COL27A1: variants seen among roughly 807,000 people sequenced by gnomAD.
The protein encoded by COL27A1 is collagen type XXVII alpha 1 chain.
Under a neutral mutation model 251.3 loss-of-function variants are expected in COL27A1, and 106 were observed. The observed-to-expected ratio is 0.42, with a 90% CI of 0.36 to 0.50. The LOEUF is 0.50. COL27A1 is among the 20% of genes least tolerant of loss of function. The pLI, the probability that COL27A1 is intolerant of heterozygous loss-of-function variation, is 0.00. For missense variants in COL27A1, 2,325 were observed against 2,522.8 expected (o/e 0.92, Z 1.68); for synonymous variants, 1,000 against 986.3 (o/e 1.01, Z -0.26).
At chr9:114,240,614 TC>T in intron 21 of COL27A1, 127 bp downstream of exon 21, 1 of 819,856 alleles carries the variant, frequency 1.2e-6, no homozygotes, top group Non-Finnish European at 1.9e-6. Context: ...ACCCAGGGCT[TC>T]CCCAGACTTA....
intron 37 of COL27A1, among the ~76,000 whole-genome samples, chr9:114,280,453 T>G (rs1835834141): frequency 6.6e-6 from 1 of 152,258 alleles, no homozygotes; most frequent in African/African-American, 2.4e-5. Context: ...TCCACCCACC[T>G]CAGCCTCCCA....
At chr9:114,230,953 A>T (rs533325076) in intron 14 of COL27A1, 126 bp from the exon 15 acceptor site, 68 of 666,176 alleles carry the variant, frequency 1.0e-4, no homozygotes, top group African/African-American at 1.0e-3. Context: ...AGATTCCAAG[A>T]TCAATCCTAC....
At chr9:114,235,951 G>A (rs1479614822) in intron 17 of COL27A1, among the ~76,000 whole-genome samples, 2 of 151,970 alleles carry the variant, frequency 1.3e-5, no homozygotes, top group African/African-American at 4.8e-5. Flanking sequence ...ACCGTCCATG[G>A]CTCCCTATTG....
chr9:114,262,991 T>G (rs1452805523), intron 28 of COL27A1, among the ~76,000 whole-genome samples: 1 of 139,506 alleles, frequency 7.2e-6, no homozygotes, highest in Non-Finnish European at 1.5e-5. Context: ...CAGGGTGGAG[T>G]GCAGTGGTGC....
chr9:114,293,137 T>G (rs1429575967), intron 49 of COL27A1, among the ~76,000 whole-genome samples: 1 of 152,216 alleles, frequency 6.6e-6, no homozygotes, highest in Non-Finnish European at 1.5e-5. Context: ...ATCAGCAAGA[T>G]ACACATTCGT....
intron 56 of COL27A1, 92 bp from the exon 57 acceptor site, chr9:114,304,516 C>A: frequency 8.4e-7 from 1 of 1,193,736 alleles, no homozygotes; most frequent in South Asian, 1.2e-5. Flanking sequence ...TGGCCAAGAT[C>A]CTGCCAGGGA....
At chr9:114,205,023 G>T in intron 7 of COL27A1, 79 bp from the exon 8 acceptor site, 1 of 1,405,034 alleles carries the variant, frequency 7.1e-7, no homozygotes, top group Non-Finnish European at 1.0e-6. Flanking sequence ...AACAGGGCAG[G>T]CCGGGAGGCT....
intron 5 of COL27A1, among the ~76,000 whole-genome samples, chr9:114,187,364 A>G (rs1828433429): frequency 6.6e-6 from 1 of 152,254 alleles, no homozygotes; most frequent in South Asian, 2.1e-4. Flanking sequence ...AGCTATCTGT[A>G]GTGGTCCTGC....
At chr9:114,281,008 ACCT>A (rs1835867443) in intron 37 of COL27A1, among the ~76,000 whole-genome samples, 1 of 152,024 alleles carries the variant, frequency 6.6e-6, no homozygotes, top group Non-Finnish European at 1.5e-5. Flanking sequence ...TTCCTCTAGG[ACCT>A]CCTCTTCCTG....
At position 114,155,838 on chromosome 9, in the gene COL27A1, C is replaced by G. The variant is rs1238640353; in HGVS notation, c.-113C>G. 2 of 871,282 alleles carry G rather than the reference C, an allele frequency of 2.3e-6. No individual in the cohort carries two copies. Among genetic ancestry groups the G allele is most frequent in the African/African-American group, 3.6e-5 (2 of 54,846 alleles). 54.0% of individuals were successfully genotyped at this position (871,282 alleles called of 1,614,324 possible). On this transcript the variant is annotated 5_prime_UTR_variant, in exon 1 of 61. Transcript: ENST00000356083. This position sits in a 1 kb window ranked among gnomAD's most constrained non-coding sequence, Gnocchi z 5.5. ...TGGGCGCGGGGCTGCGCTGGGGGCG[C>G]GGGGGCCGCGCGCTCTAAGCCGGCC...
At chr9:114,281,713 C>G (rs977594629) in intron 37 of COL27A1, among the ~76,000 whole-genome samples, 1 of 152,178 alleles carries the variant, frequency 6.6e-6, no homozygotes, top group Non-Finnish European at 1.5e-5. Flanking sequence ...GGACCATGAG[C>G]CAGGGGTGGT....
intron 1 of COL27A1, among the ~76,000 whole-genome samples, chr9:114,156,898 C>G (rs1438311985): frequency 1.3e-5 from 2 of 152,104 alleles, no homozygotes; most frequent in Admixed American, 6.5e-5. Context: ...GGACGGCGCT[C>G]CTCTCTTTCC....
At chr9:114,176,742 G>T (rs973145125) in intron 3 of COL27A1, among the ~76,000 whole-genome samples, 2 of 152,158 alleles carry the variant, frequency 1.3e-5, no homozygotes, top group Non-Finnish European at 2.9e-5. Flanking sequence ...GCTGGGACTT[G>T]CCCGAGGTCA....
intron 1 of COL27A1, among the ~76,000 whole-genome samples, chr9:114,156,217 G>A (rs1216490826): frequency 6.7e-6 from 1 of 148,756 alleles, no homozygotes; most frequent in African/African-American, 2.5e-5. Flanking sequence ...CCGCCCTGCC[G>A]CGCCTGGCCC....
intron 6 of COL27A1, among the ~76,000 whole-genome samples, chr9:114,195,755 G>A (rs1188956292): frequency 3.3e-5 from 5 of 152,174 alleles, no homozygotes; most frequent in African/African-American, 4.8e-5. Flanking sequence ...AGATGGAGCC[G>A]CTGAGTTGAG....
chr9:114,293,896 C>T (rs1293656224), intron 49 of COL27A1, among the ~76,000 whole-genome samples: 1 of 152,166 alleles, frequency 6.6e-6, no homozygotes. Flanking sequence ...ACAAAGGAAA[C>T]TCTGGGCCCA....
chr9:114,171,580 C>T (rs558618346), intron 3 of COL27A1, among the ~76,000 whole-genome samples: 10 of 152,254 alleles, frequency 6.6e-5, no homozygotes, highest in Middle Eastern at 3.4e-3. Context: ...CCTCCTGCCT[C>T]AGCCTCCCAG....
At chr9:114,256,067 A>G (rs768829395) in intron 27 of COL27A1, among the ~76,000 whole-genome samples, 1 of 152,216 alleles carries the variant, frequency 6.6e-6, no homozygotes, top group Non-Finnish European at 1.5e-5. Context: ...CATTGCCACT[A>G]TTATGAGTAA....
At chr9:114,161,933 A>G (rs1848521202) in intron 1 of COL27A1, among the ~76,000 whole-genome samples, 1 of 152,164 alleles carries the variant, frequency 6.6e-6, no homozygotes, top group African/African-American at 2.4e-5. Context: ...GCCATGCATG[A>G]GCTTATTGAA....
Sources: allele counts gnomAD v4.1 joint callset (sites outside exome capture counted in the v4.1 genomes callset), GRCh38; gene constraint gnomAD v4.1.1; non-coding constraint Gnocchi (gnomAD v3.1); transcripts MANE v1.5; gene names NCBI Gene and HGNC (gene_info 2026-07-23, HGNC 2026-07-21).